ITCH: variants seen among roughly 807,000 people sequenced by gnomAD.
ITCH encodes the protein E3 ubiquitin-protein ligase Itchy homolog.
Under a neutral mutation model 126.8 loss-of-function variants are expected in ITCH, and 28 were observed. The ratio of observed to expected loss-of-function variants is 0.22; its 90% CI spans 0.16 to 0.30. ITCH has a LOEUF of 0.30. Ranked by LOEUF, ITCH falls within the 10% of genes least tolerant of loss-of-function variation. The probability of loss-of-function intolerance (pLI) is 1.00; values close to 1 mark genes in which losing one functional copy is unlikely to be tolerated. For synonymous variants in ITCH, 342 were observed against 340.0 expected (o/e 1.01, Z -0.06); for missense variants, 631 against 1,032.4 (o/e 0.61, Z 5.33).
At chr20:34,429,191 G>A (rs1981956602) in intron 7 of ITCH, among the ~76,000 whole-genome samples, 1 of 152,006 alleles carries the variant, frequency 6.6e-6, no homozygotes. Context: ...TGCCCACCTC[G>A]GACCTCCCAA....
At chr20:34,423,790 G>C (rs1206173314) in intron 6 of ITCH, among the ~76,000 whole-genome samples, 1 of 152,030 alleles carries the variant, frequency 6.6e-6, no homozygotes, top group Non-Finnish European at 1.5e-5. Context: ...TTTTAGTAGA[G>C]ACAGGTTTTA....
intron 2 of ITCH, among the ~76,000 whole-genome samples, chr20:34,390,309 A>C (rs528482930): frequency 3.3e-4 from 50 of 152,272 alleles, no homozygotes; most frequent in African/African-American, 1.2e-3. Context: ...AGAGAAATTC[A>C]GTAATTTGCT....
In ITCH at chr20:34,375,696, ATTTTTTT is replaced by A. The variant is rs5841171; in HGVS notation, c.-22+6255_-22+6261del. Among the ~76,000 whole-genome samples the A allele has an allele frequency of 4.3e-3, 282 of 65,516 alleles. 3 individuals carry two copies. The highest frequency in any genetic ancestry group is 0.02 in the African/African-American group (268 of 13,646). The allele number at this position is 65,516 out of a possible 152,430, so 43.0% of individuals were successfully genotyped here. On this transcript the variant is annotated intron_variant, in intron 2 of 24. Coordinates refer to ENST00000374864, the MANE Select transcript of ITCH (RefSeq NM_031483.7). Reference sequence around the variant, plus strand: ...CACTCACAATGTATTGGTAGTTAAAATTTTTTTTTTTTTTTTTTTTTTTTTTTTTTTT... The same window carrying A: ...CACTCACAATGTATTGGTAGTTAAAATTTTTTTTTTTTTTTTTTTTTTTTT...
At position 34,479,613 on chromosome 20, in the gene ITCH, T is replaced by A; in HGVS notation, c.1659-17T>A. On this transcript the variant is annotated splice_polypyrimidine_tract_variant and intron_variant, in intron 17 of 24. Transcript: ENST00000374864. ...AACCTACAAGATTTTTCATCGTAAA[T>A]TTTCTTTTGATTTCAGAGAATGGTT... 1 of 1,611,958 alleles carries A rather than the reference T, an allele frequency of 6.2e-7. No homozygotes were observed. The highest frequency in any genetic ancestry group is 8.5e-7 in the Non-Finnish European group (1 of 1,178,264).
intron 14 of ITCH, among the ~76,000 whole-genome samples, chr20:34,467,678 A>ATTTTTT (rs147009659): frequency 2.0e-4 from 20 of 98,058 alleles, no homozygotes; most frequent in East Asian, 2.9e-4. Context: ...TTTCTTTTTC[A>ATTTTTT]TTTTTTTTTT....
rs1010559394 is a variant in ITCH, at chr20:34,510,597, CT to C, written c.*2805del. On this transcript the variant is annotated 3_prime_UTR_variant, in exon 25 of 25. Coordinates refer to ENST00000374864, the MANE Select transcript of ITCH (RefSeq NM_031483.7). ...GCCTGGTCAGGAGGGAAGGACCTCA[CT>C]TGTTTCATCAAATGGAGTGGTTTAA... is the stretch of plus-strand genomic sequence containing the variant. 2 of 151,966 alleles carry C rather than the reference CT, an allele frequency of 1.3e-5. No homozygotes were observed. Among genetic ancestry groups the C allele is most frequent in the African/African-American group, 4.8e-5 (2 of 41,368 alleles). 9.4% of individuals were successfully genotyped at this position (151,966 alleles called of 1,614,324 possible).
intron 7 of ITCH, among the ~76,000 whole-genome samples, chr20:34,434,824 A>T (rs1282104174): frequency 6.6e-6 from 1 of 152,202 alleles, no homozygotes; most frequent in Non-Finnish European, 1.5e-5. Flanking sequence ...AACAATATAG[A>T]TAACCCAATT....
At chr20:34,378,332 G>T (rs1475111833) in intron 2 of ITCH, among the ~76,000 whole-genome samples, 1 of 151,798 alleles carries the variant, frequency 6.6e-6, no homozygotes, top group African/African-American at 2.4e-5. Flanking sequence ...AATTAGCCGG[G>T]TGGGGTGGTG....
intron 2 of ITCH, among the ~76,000 whole-genome samples, chr20:34,374,012 G>T (rs917948503): frequency 6.6e-6 from 1 of 151,998 alleles, no homozygotes; most frequent in Non-Finnish European, 1.5e-5. Context: ...AGCCTCCCAT[G>T]TAGCTGGGAC....
chr20:34,363,487 A>C (rs1422125713), intron 1 of ITCH, 138 bp downstream of exon 1: 2 of 152,330 alleles, frequency 1.3e-5, no homozygotes, highest in Admixed American at 1.3e-4. Flanking sequence ...CTTCTTCCAG[A>C]GCCGGTGTCT....
At chr20:34,468,863 T>C (rs548923894) in intron 14 of ITCH, among the ~76,000 whole-genome samples, 78 of 152,102 alleles carry the variant, frequency 5.1e-4, no homozygotes, top group Non-Finnish European at 1.0e-3. Flanking sequence ...AACTGTCTCT[T>C]TTCCCCTCAC....
At chr20:34,367,647 G>C (rs1470944334) in intron 1 of ITCH, among the ~76,000 whole-genome samples, 4 of 152,176 alleles carry the variant, frequency 2.6e-5, no homozygotes, top group Non-Finnish European at 5.9e-5. Context: ...TTACCTAGTA[G>C]GTAGTAGACA....
intron 2 of ITCH, among the ~76,000 whole-genome samples, chr20:34,383,836 CTTTTTTTTTTTTTTT>C (rs745864966): frequency 1.5e-5 from 1 of 68,670 alleles, no homozygotes; most frequent in Non-Finnish European, 2.9e-5. Flanking sequence ...GTCTGTAATT[CTTTTTTTTTTTTTTT>C]TTTTTTTTTG....
At chr20:34,409,543 C>A (rs1338471628) in intron 4 of ITCH, among the ~76,000 whole-genome samples, 1 of 152,144 alleles carries the variant, frequency 6.6e-6, no homozygotes, top group African/African-American at 2.4e-5. Context: ...CTACAACTTT[C>A]TTTTTGTACT....
intron 16 of ITCH, chr20:34,476,132 A>G: frequency 2.4e-6 from 2 of 847,512 alleles, no homozygotes; most frequent in Non-Finnish European, 4.2e-6. Context: ...ATGAGATGAC[A>G]GGTTAAACAA....
At chr20:34,433,330 T>TA (rs1262349790) in intron 7 of ITCH, among the ~76,000 whole-genome samples, 3 of 152,196 alleles carry the variant, frequency 2.0e-5, no homozygotes, top group African/African-American at 7.2e-5. Flanking sequence ...TTTTCAGCTT[T>TA]CAAAATATTT....
At position 34,511,125 on chromosome 20, in the gene ITCH, C is replaced by T. The variant is rs747393166; in HGVS notation, c.*3331C>T. 5.3e-5 allele frequency: 8 copies of T among 152,066 alleles called. No individual in the cohort carries two copies. The highest frequency in any genetic ancestry group is 3.9e-4 in the Admixed American group (6 of 15,258). The allele number at this position is 152,066 out of a possible 1,614,324, so 9.4% of individuals were successfully genotyped here. A position where few individuals can be genotyped will look rare whatever the true frequency, so the allele number is the denominator to read the frequency against. On this transcript the variant is annotated 3_prime_UTR_variant, in exon 25 of 25. Transcript: ENST00000374864. ...ATTTAGTATTGTTGGTATCTCCAGC[C>T]CCCCTCCTTTTTTTGTTTTTCTTTT... is the stretch of plus-strand genomic sequence containing the variant.
chr20:34,409,490 G>C (rs897270400), intron 4 of ITCH, among the ~76,000 whole-genome samples: 17 of 152,102 alleles, frequency 1.1e-4, no homozygotes, highest in African/African-American at 3.9e-4. Context: ...TCCCATCTCA[G>C]CCTTTTTCTC....
intron 6 of ITCH, among the ~76,000 whole-genome samples, chr20:34,418,114 A>G (rs1448498978): frequency 1.3e-5 from 2 of 151,196 alleles, no homozygotes; most frequent in Non-Finnish European, 3.0e-5. Flanking sequence ...CTACAGGCGC[A>G]CTCAGCCACA....
Sources: gnomAD v4.1 joint callset for allele counts (sites outside exome capture counted in the v4.1 genomes callset) on GRCh38, gnomAD v4.1.1 for gene constraint, MANE v1.5 for transcripts, NCBI Gene and HGNC (gene_info 2026-07-23, HGNC 2026-07-21) for gene names.